The following SCN3B variants were observed in gnomAD, a reference collection of about 807,000 sequenced individuals.
The protein encoded by SCN3B is sodium voltage-gated channel beta subunit 3, also known as sodium channel regulatory subunit beta-3.
Under a neutral mutation model 25.4 loss-of-function variants are expected in SCN3B, and 11 were observed. The ratio of observed to expected loss-of-function variants is 0.43; its 90% confidence interval spans 0.27 to 0.72. SCN3B has a LOEUF of 0.72. Among genes scored for constraint, SCN3B ranks in the 30% least tolerant of loss-of-function variants. The pLI, the probability that SCN3B is intolerant of heterozygous loss-of-function variation, is 0.18. For missense variants in SCN3B, 218 were observed against 278.3 expected, an observed-to-expected ratio of 0.78 and a Z score of 1.54; for synonymous variants, 109 against 110.7, an observed-to-expected ratio of 0.99 and a Z score of 0.09.
chr11:123,638,322 C>T lies in SCN3B; in HGVS notation c.448G>A (p.Gly150Arg). ...GAGACCACAGAGGTGAAGTCCTCTC[C>T]AGCTGAAAGAAAGAGAATGAGGTTC... ...LIPLRVTEEA[G>R]EDFTSVVSEI... The change falls in exon 5 of 7, where the codon GGA becomes AGA. Residue 150 changes from glycine (G) to arginine (R), a missense_variant and splice_region_variant. Coordinates refer to ENST00000299333, the MANE Select transcript of SCN3B (RefSeq NM_001040151.2). 6.2e-7 allele frequency: 1 copy of T among 1,613,956 alleles called. No homozygotes were observed. Among genetic ancestry groups the T allele is most frequent in the Admixed American group, 1.7e-5 (1 of 60,018 alleles).
chr11:123,653,952 G>C, intron 1 of SCN3B, 126 bp from the exon 2 acceptor site: 3 of 901,126 alleles, frequency 3.3e-6, no homozygotes, highest in South Asian at 1.4e-5. Flanking sequence ...ACCGGTGCCT[G>C]GGGAGGCCCT....
chr11:123,646,792 G>A lies in SCN3B; in HGVS notation c.56-1042C>T, dbSNP rs192405078. On this transcript the variant is annotated intron_variant, in intron 2 of 6. Coordinates refer to ENST00000299333, the MANE Select transcript of SCN3B (RefSeq NM_001040151.2). ...AGCTGCATTAACAGATGTACAGTACGCAGGAGGAAGGAGGCGTAGTTTCTC... is the reference window on the plus strand; with the variant it reads ...AGCTGCATTAACAGATGTACAGTACACAGGAGGAAGGAGGCGTAGTTTCTC... Among the ~76,000 whole-genome samples, 3 of 152,308 alleles carry A rather than the reference G, an allele frequency of 2.0e-5. 1 individual carries two copies. Among genetic ancestry groups the A allele is most frequent in the East Asian group, 3.9e-4 (2 of 5,182 alleles).
chr11:123,644,159 A>G (rs1388860230), intron 3 of SCN3B, among the ~76,000 whole-genome samples: 1 of 152,172 alleles, frequency 6.6e-6, no homozygotes, highest in Non-Finnish European at 1.5e-5. Flanking sequence ...TATTAACTTA[A>G]CTTCTTTGAG....
At chr11:123,639,772 C>G (rs1955766661) in intron 4 of SCN3B, 1 of 152,172 alleles carries the variant, frequency 6.6e-6, no homozygotes, top group Non-Finnish European at 1.5e-5. Flanking sequence ...ATATTTATTT[C>G]TGGATTATCT....
chr11:123,640,730 C>G (rs1955779365), intron 4 of SCN3B: 1 of 152,226 alleles, frequency 6.6e-6, no homozygotes, highest in South Asian at 2.1e-4. Context: ...CCTCCAATCA[C>G]CTGGGGAGTC....
chr11:123,638,062 A>G (rs1206263292), intron 5 of SCN3B, 124 bp downstream of exon 5: 1 of 1,172,212 alleles, frequency 8.5e-7, no homozygotes. Flanking sequence ...AATGGTGCCT[A>G]TCTCTTAAGC....
In SCN3B at chr11:123,635,786, C is replaced by T. The variant is rs143531420; in HGVS notation, c.585-1580G>A. Among the ~76,000 whole-genome samples the T allele has an allele frequency of 8.8e-4, 134 of 152,142 alleles. 2 individuals are homozygous for T. In the East Asian group the frequency reaches 0.012, roughly 14 times the overall value. On this transcript the variant is annotated intron_variant, in intron 5 of 6. Coordinates refer to ENST00000299333, the MANE Select transcript of SCN3B (RefSeq NM_001040151.2). ...GCTCTTTCTTTGAAATGGTTTAGACCGAGGGTGGGCAAACTGTGGCCTAAG... is the reference window on the plus strand; with the variant it reads ...GCTCTTTCTTTGAAATGGTTTAGACTGAGGGTGGGCAAACTGTGGCCTAAG...
At position 123,630,113 on chromosome 11, in the gene SCN3B, TC is replaced by T. The variant is rs1281121065; in HGVS notation, c.*3685del. 6.6e-6 allele frequency: 1 copy of T among 152,192 alleles called. No individual in the cohort carries two copies. The highest frequency in any genetic ancestry group is 1.5e-5 in the Non-Finnish European group (1 of 68,036). The allele number at this position is 152,192 out of a possible 1,614,324, so 9.4% of individuals were successfully genotyped here. On this transcript the variant is annotated 3_prime_UTR_variant, in exon 7 of 7. Transcript: ENST00000299333. ...TCCTAGTAATATTTCTAGTTGGACA[TC>T]TAAGGAGAAACCTGCAACTCAGAAG...
chr11:123,649,886 T>C (rs968329504), intron 2 of SCN3B, among the ~76,000 whole-genome samples: 5 of 152,124 alleles, frequency 3.3e-5, no homozygotes, highest in Non-Finnish European at 5.9e-5. Context: ...GTATTTTTAG[T>C]AAAGACAGGG....
In SCN3B at chr11:123,642,779, G is replaced by A. The variant is rs541943652; in HGVS notation, c.220-108C>T. ...AAAGGAGCAGAATTGTGCATGGACA[G>A]GGAAGAGAGGGGACAATGCCACCGG... On this transcript the variant is annotated intron_variant, in intron 3 of 6. Transcript: ENST00000299333. This position sits in a 1 kb window ranked among gnomAD's most constrained non-coding sequence, Gnocchi z 4.3. 200 of 818,748 alleles carry A rather than the reference G, an allele frequency of 2.4e-4. 2 individuals carry two copies. The South Asian group carries it at 2.8e-3, about 11-fold the overall frequency. 50.7% of individuals were successfully genotyped at this position (818,748 alleles called of 1,614,324 possible).
intron 2 of SCN3B, among the ~76,000 whole-genome samples, chr11:123,653,319 T>C (rs1362106969): frequency 7.8e-6 from 1 of 127,900 alleles, no homozygotes; most frequent in Non-Finnish European, 1.8e-5. Context: ...GCATCCAGCT[T>C]TTATGGTTTT....
Position 123,642,376 on chromosome 11 carries a change from A to G in SCN3B, c.445+70T>C, listed in dbSNP as rs1319626407. On this transcript the variant is annotated intron_variant, in intron 4 of 6. Coordinates refer to ENST00000299333, the MANE Select transcript of SCN3B (RefSeq NM_001040151.2). This position sits in a 1 kb window ranked among gnomAD's most constrained non-coding sequence, Gnocchi z 4.3. ...ACTCTTTAAGGGCCTCACTCGTGGA[A>G]AACTGCTGTCCTACCCTTCCCTGTC... 1 of 1,485,278 alleles carries G rather than the reference A, an allele frequency of 6.7e-7. No individual in the cohort carries two copies. Among genetic ancestry groups the G allele is most frequent in the South Asian group, 1.1e-5 (1 of 88,198 alleles). 92.0% of individuals were successfully genotyped at this position (1,485,278 alleles called of 1,614,324 possible).
intron 3 of SCN3B, among the ~76,000 whole-genome samples, chr11:123,643,673 G>A (rs988370828): frequency 2.0e-5 from 3 of 152,196 alleles, no homozygotes; most frequent in African/African-American, 4.8e-5. Context: ...TGCTGTTGCC[G>A]TTTTATTTTT....
rs72552152 is a variant in SCN3B, at chr11:123,634,237, G to A, written c.585-31C>T. On this transcript the variant is annotated intron_variant, in intron 5 of 6. Coordinates refer to ENST00000299333, the MANE Select transcript of SCN3B (RefSeq NM_001040151.2). ...GAGGACACAGGGAAAGGGAATCAGA[G>A]CTTCAGTGCCCAGCGTGGGAACACA... 3,031 of 1,593,520 alleles carry A rather than the reference G, an allele frequency of 1.9e-3. 8 individuals are homozygous for A. The highest frequency in any genetic ancestry group is 2.3e-3 in the Non-Finnish European group (2,712 of 1,161,916).
intron 2 of SCN3B, among the ~76,000 whole-genome samples, chr11:123,653,030 A>C (rs1466107456): frequency 6.6e-6 from 1 of 152,202 alleles, no homozygotes; most frequent in South Asian, 2.1e-4. Flanking sequence ...GGGGAAGGTC[A>C]CCTCAGTTTC....
At position 123,642,677 on chromosome 11, in the gene SCN3B, G is replaced by T. The variant is rs1177587043; in HGVS notation, c.220-6C>A. The T allele has an allele frequency of 6.2e-7, 1 of 1,610,874 alleles. No individual in the cohort carries two copies. The highest frequency in any genetic ancestry group is 8.5e-7 in the Non-Finnish European group (1 of 1,177,356). On this transcript the variant is annotated splice_region_variant and splice_polypyrimidine_tract_variant and intron_variant, in intron 3 of 6. Transcript: ENST00000299333. This position sits in a 1 kb window ranked among gnomAD's most constrained non-coding sequence, Gnocchi z 4.3. The stretch of plus-strand genomic sequence containing the variant: ...CCATTCCGATACTCGTAAATCTGCA[G>T]ATAGAGGAGCAGAAGAGGGTAGGGC...
intron 4 of SCN3B, chr11:123,639,924 T>C (rs893715730): frequency 1.3e-5 from 2 of 152,252 alleles, no homozygotes; most frequent in Non-Finnish European, 2.9e-5. Flanking sequence ...CTGATATATC[T>C]ACTCCTTGCT....
intron 1 of SCN3B, 186 bp downstream of exon 1, chr11:123,654,040 A>G: frequency 3.4e-6 from 2 of 581,748 alleles, no homozygotes; most frequent in Non-Finnish European, 6.1e-6. Flanking sequence ...GGAGCCGATC[A>G]GCCGCTCCGC....
At chr11:123,644,679 G>T (rs985643778) in intron 3 of SCN3B, among the ~76,000 whole-genome samples, 1 of 151,502 alleles carries the variant, frequency 6.6e-6, no homozygotes, top group Non-Finnish European at 1.5e-5. Context: ...GCTGAGGTGG[G>T]AGAATCGCTT....
Sources: allele counts gnomAD v4.1 joint callset (sites outside exome capture counted in the v4.1 genomes callset), GRCh38; gene constraint gnomAD v4.1.1; non-coding constraint Gnocchi (gnomAD v3.1); transcripts MANE v1.5; gene names NCBI Gene and HGNC (gene_info 2026-07-23, HGNC 2026-07-21).